The following PLCH1 variants were observed in gnomAD, a reference collection of about 807,000 sequenced individuals.
The protein encoded by PLCH1 is phospholipase C eta 1.
Under a neutral mutation model 126.7 loss-of-function variants are expected in PLCH1, and 60 were observed. The ratio of observed to expected loss-of-function variants is 0.47; its 90% CI spans 0.38 to 0.59. The LOEUF is 0.59. Ranked by LOEUF, PLCH1 falls within the 20% of genes least tolerant of loss-of-function variation. PLCH1 has a pLI of 0.00. For missense variants in PLCH1, 1,723 were observed against 2,040.0 expected (o/e 0.84, Z 2.99); for synonymous variants, 719 against 734.9 (o/e 0.98, Z 0.35).
intron 11 of PLCH1, among the ~76,000 whole-genome samples, chr3:155,519,425 T>A (rs1720773612): frequency 6.6e-6 from 1 of 152,082 alleles, no homozygotes; most frequent in Non-Finnish European, 1.5e-5. Context: ...GTAAATAAAT[T>A]AAACATATTC....
At chr3:155,571,080 C>T (rs1336789005) in intron 6 of PLCH1, among the ~76,000 whole-genome samples, 4 of 152,224 alleles carry the variant, frequency 2.6e-5, no homozygotes, top group South Asian at 2.1e-4. Flanking sequence ...CATATTCTGA[C>T]ACTACCTATT....
intron 2 of PLCH1, among the ~76,000 whole-genome samples, chr3:155,604,627 T>C (rs1296553627): frequency 2.0e-5 from 3 of 152,230 alleles, no homozygotes; most frequent in East Asian, 1.9e-4. Context: ...CATAACACTT[T>C]CTTTTTTAAT....
At chr3:155,530,560 G>T (rs547523765) in intron 10 of PLCH1, among the ~76,000 whole-genome samples, 12 of 138,766 alleles carry the variant, frequency 8.6e-5, no homozygotes, top group African/African-American at 3.3e-4. Context: ...CTCATGATCT[G>T]CCCACCTCGG....
At position 155,546,864 on chromosome 3, in the gene PLCH1, C is replaced by T. The variant is rs1000968335; in HGVS notation, c.1362+2923G>A. On this transcript the variant is annotated intron_variant, in intron 10 of 22. Coordinates refer to ENST00000460012, the MANE Select transcript of PLCH1 (RefSeq NM_014996.4). The stretch of plus-strand genomic sequence containing the variant: ...AAGAAAGCTGAAACTGGATCCCTTC[C>T]TTACACCTTATACAAAAATCAATTC... 1.9e-3 allele frequency among the ~76,000 whole-genome samples: 274 copies of T among 144,410 alleles called. 1 individual carries two copies. Among genetic ancestry groups the T allele is most frequent in the African/African-American group, 6.6e-3 (259 of 39,184 alleles). The allele number at this position is 144,410 out of a possible 152,430, so 94.7% of individuals were successfully genotyped here.
At position 155,481,830 on chromosome 3, in the gene PLCH1, C is replaced by A. The variant is rs572746590; in HGVS notation, c.4196G>T (p.Gly1399Val). ...AGGGCGGAGGGTCTCTTTACAGTAG[C>A]CGTTTCTCAAACCTCTTTGAAAGTG... ...VEHFQRGLRN[G>V]YCKETLRPSV... The change falls in exon 23 of 23, where the codon GGC (glycine) becomes GTC (valine). Residue 1399 changes from glycine (G) to valine (V), a missense_variant. Transcript: ENST00000460012. The surrounding 1 kb of genome is among the most constrained non-coding windows in gnomAD (Gnocchi z 4.2). 1 of 1,614,130 alleles carries A rather than the reference C, an allele frequency of 6.2e-7. No individual in the cohort carries two copies. Among genetic ancestry groups the A allele is most frequent in the South Asian group, 1.1e-5 (1 of 91,078 alleles).
intron 10 of PLCH1, among the ~76,000 whole-genome samples, chr3:155,530,209 T>C (rs963955358): frequency 3.9e-5 from 6 of 152,246 alleles, no homozygotes; most frequent in African/African-American, 1.4e-4. Flanking sequence ...TCCTTCCTAA[T>C]GCTTTATCAA....
Position 155,576,415 on chromosome 3 carries a change from G to A in PLCH1, c.771+7057C>T, listed in dbSNP as rs139819128. On this transcript the variant is annotated intron_variant, in intron 6 of 22. Coordinates refer to ENST00000460012, the MANE Select transcript of PLCH1 (RefSeq NM_014996.4). ...TCCTCATGGTTATAAAAGATAGTGA[G>A]AATTCCCTTGGCACAGCCGTGTTTT... Among the ~76,000 whole-genome samples, 1,416 of 152,266 alleles carry A rather than the reference G, an allele frequency of 9.3e-3. 10 individuals carry two copies. The highest frequency in any genetic ancestry group is 0.013 in the Non-Finnish European group (851 of 68,022).
intron 21 of PLCH1, among the ~76,000 whole-genome samples, chr3:155,453,220 G>A (rs1386807907): frequency 2.0e-5 from 3 of 152,204 alleles, no homozygotes; most frequent in African/African-American, 7.2e-5. Flanking sequence ...AACTTTCACA[G>A]ATGGAAGGAA....
At chr3:155,529,860 G>A (rs1467673174) in intron 10 of PLCH1, among the ~76,000 whole-genome samples, 1 of 152,028 alleles carries the variant, frequency 6.6e-6, no homozygotes, top group East Asian at 1.9e-4. Context: ...TCCGCCCCCC[G>A]GGTTCAAGCG....
At chr3:155,459,290 G>A (rs1712624570) in intron 21 of PLCH1, among the ~76,000 whole-genome samples, 1 of 152,086 alleles carries the variant, frequency 6.6e-6, no homozygotes, top group South Asian at 2.1e-4. Context: ...GCAGGTGGTG[G>A]GACCAGATCA....
intron 2 of PLCH1, among the ~76,000 whole-genome samples, chr3:155,667,621 G>C (rs1197823917): frequency 1.3e-5 from 2 of 151,928 alleles, no homozygotes; most frequent in African/African-American, 4.8e-5. Context: ...AAACTGATTG[G>C]CTCAACTGAG....
At chr3:155,706,121 G>A (rs1227357480) in intron 1 of PLCH1, among the ~76,000 whole-genome samples, 2 of 141,688 alleles carry the variant, frequency 1.4e-5, no homozygotes, top group Non-Finnish European at 3.1e-5. Flanking sequence ...TTGCAGTGAG[G>A]TGAGACAGCG....
intron 11 of PLCH1, among the ~76,000 whole-genome samples, chr3:155,523,268 G>T (rs990827673): frequency 1.3e-5 from 2 of 152,134 alleles, no homozygotes. Context: ...GAGCCACCGC[G>T]CCAGGCCTAA....
At chr3:155,593,856 C>A in intron 4 of PLCH1, 85 bp downstream of exon 4, 2 of 1,354,284 alleles carry the variant, frequency 1.5e-6, no homozygotes, top group South Asian at 1.4e-5. Flanking sequence ...AAAATTAAAA[C>A]ATAGTCTAAT....
intron 2 of PLCH1, among the ~76,000 whole-genome samples, chr3:155,661,172 T>G (rs1367669518): frequency 6.6e-6 from 1 of 152,182 alleles, no homozygotes; most frequent in Non-Finnish European, 1.5e-5. Flanking sequence ...TCAACAACTT[T>G]GTAGTTCACA....
chr3:155,514,910 G>A (rs775790952), intron 11 of PLCH1, 26 bp from the exon 12 acceptor site: 1 of 1,510,340 alleles, frequency 6.6e-7, no homozygotes, highest in Admixed American at 1.9e-5. Context: ...TAACACAAAT[G>A]ATTTCCTTAA....
At chr3:155,484,652 C>A (rs1013470612) in intron 22 of PLCH1, among the ~76,000 whole-genome samples, 1 of 152,194 alleles carries the variant, frequency 6.6e-6, no homozygotes, top group African/African-American at 2.4e-5. Context: ...GGTTGGGAGT[C>A]ACCAACATCA....
intron 8 of PLCH1, among the ~76,000 whole-genome samples, chr3:155,562,032 C>T (rs1005097517): frequency 1.3e-5 from 2 of 152,184 alleles, no homozygotes; most frequent in African/African-American, 4.8e-5. Context: ...CAGCCTGTCT[C>T]AGCCTCCTAA....
rs1713922530 is a variant in PLCH1, at chr3:155,481,020, G to A, written c.5006C>T (p.Thr1669Ile). Residue 1669 changes from threonine to isoleucine, a missense_variant, in exon 23 of 23, where the codon ACT becomes ATT. Coordinates refer to ENST00000460012, the MANE Select transcript of PLCH1 (RefSeq NM_014996.4). This position sits in a 1 kb window ranked among gnomAD's most constrained non-coding sequence, Gnocchi z 4.2. Reference sequence around the variant, plus strand: ...TGGTTTATCATCACTGCTTGGCTCAGTCTGCAAAACAGAATTATCTGAACA... The same window carrying A: ...TGGTTTATCATCACTGCTTGGCTCAATCTGCAAAACAGAATTATCTGAACA... ...QFCSDNSVLQ[T>I]EPSSDDKPEI... 1 of 1,609,466 alleles carries A rather than the reference G, an allele frequency of 6.2e-7. No homozygotes were observed. Among genetic ancestry groups the A allele is most frequent in the Non-Finnish European group, 8.5e-7 (1 of 1,176,134 alleles).
Sources: gnomAD v4.1 joint callset for allele counts (sites outside exome capture counted in the v4.1 genomes callset) on GRCh38, gnomAD v4.1.1 for gene constraint, Gnocchi (gnomAD v3.1) non-coding constraint, MANE v1.5 for transcripts, NCBI Gene and HGNC (gene_info 2026-07-23, HGNC 2026-07-21) for gene names.